The following SGO2 variants were observed in gnomAD, a reference collection of about 807,000 sequenced individuals.
The protein encoded by SGO2 is shugoshin-like 2.
Under a neutral mutation model 99.5 loss-of-function variants are expected in SGO2, and 68 were observed. That is an observed-to-expected ratio of 0.68 (90% CI 0.56 to 0.84). The LOEUF is 0.84. SGO2 is among the 40% of genes least tolerant of loss of function. The pLI is 0.00. For missense variants in SGO2, 1,350 were observed against 1,436.7 expected (o/e 0.94, Z 0.97); for synonymous variants, 457 against 487.1 (o/e 0.94, Z 0.81).
intron 5 of SGO2, among the ~76,000 whole-genome samples, chr2:200,556,794 A>G (rs557104490): frequency 2.8e-4 from 43 of 152,302 alleles, no homozygotes; most frequent in African/African-American, 1.0e-3. Flanking sequence ...AGAGCTAACT[A>G]TGATATCAAC....
At position 200,575,362 on chromosome 2, in the gene SGO2, C is replaced by G; in HGVS notation, c.3683C>G (p.Thr1228Ser). The G allele has an allele frequency of 6.2e-7, 1 of 1,608,618 alleles. No homozygotes were observed. Among genetic ancestry groups the G allele is most frequent in the South Asian group, 1.1e-5 (1 of 90,404 alleles). ...LSNTSFVSNN[T>S]AESENKSEDL... ...AATACCAGTTTTGTTTCAAATAACACTGCTGAATCTGAAAATAAGTCAGAA... is the reference window on the plus strand; with the variant it reads ...AATACCAGTTTTGTTTCAAATAACAGTGCTGAATCTGAAAATAAGTCAGAA... Residue 1228 changes from threonine to serine, a missense_variant, in exon 8 of 9, where the codon ACT becomes AGT. Physicochemically the swap from Thr to Ser is moderately conservative, Grantham distance 58. Coordinates refer to ENST00000357799, the MANE Select transcript of SGO2 (RefSeq NM_152524.6).
chr2:200,568,349 G>A (rs754135026), intron 5 of SGO2, among the ~76,000 whole-genome samples: 13 of 151,992 alleles, frequency 8.6e-5, no homozygotes, highest in Non-Finnish European at 1.8e-4. Flanking sequence ...ATTGCACCTG[G>A]GTATTGTGTA....
chr2:200,572,732 C>A lies in SGO2; in HGVS notation c.2386C>A (p.Pro796Thr), dbSNP rs368448150. 4.5e-5 allele frequency: 72 copies of A among 1,612,856 alleles called. No individual in the cohort carries two copies. In the South Asian group the frequency reaches 7.7e-4, roughly 17 times the overall value. Residue 796 changes from proline to threonine, a missense_variant, in exon 7 of 9, where the codon CCT becomes ACT. Pro to Thr is a conservative substitution (Grantham distance 38, BLOSUM62 -1). Transcript: ENST00000357799. Reference protein sequence around the residue: ...LGVKHGHDMQPACQNDSKIGK... With the variant: ...LGVKHGHDMQTACQNDSKIGK... Reference sequence around the variant, plus strand: ...GGTGAAACATGGCCATGATATGCAACCTGCTTGTCAAAATGATTCAAAAAT... The same window carrying A: ...GGTGAAACATGGCCATGATATGCAAACTGCTTGTCAAAATGATTCAAAAAT...
intron 5 of SGO2, among the ~76,000 whole-genome samples, chr2:200,554,349 T>G (rs1343746969): frequency 6.6e-6 from 1 of 152,232 alleles, no homozygotes; most frequent in Non-Finnish European, 1.5e-5. Flanking sequence ...CTGTCCTATT[T>G]GATATTCATG....
intron 5 of SGO2, among the ~76,000 whole-genome samples, chr2:200,544,598 G>A (rs994195637): frequency 6.6e-6 from 1 of 152,054 alleles, no homozygotes; most frequent in Admixed American, 6.6e-5. Flanking sequence ...TCTAGTTTTG[G>A]TCTATTACAA....
intron 5 of SGO2, among the ~76,000 whole-genome samples, chr2:200,559,628 G>T (rs764526762): frequency 6.6e-6 from 1 of 151,992 alleles, no homozygotes. Flanking sequence ...ATGAGTTCTC[G>T]TTGCCCAAGC....
chr2:200,583,095 T>C (rs1179040928), intron 8 of SGO2, among the ~76,000 whole-genome samples: 1 of 152,300 alleles, frequency 6.6e-6, no homozygotes, highest in East Asian at 1.9e-4. Context: ...TTTTGTTTCT[T>C]AACCTGGGTG....
chr2:200,529,452 A>G (rs1050007423), intron 1 of SGO2, among the ~76,000 whole-genome samples: 3 of 152,196 alleles, frequency 2.0e-5, no homozygotes, highest in African/African-American at 4.8e-5. Flanking sequence ...AAATAAATCT[A>G]TAGTATGTTA....
Position 200,570,094 on chromosome 2 carries a change from T to TAATA in SGO2, c.703+203_703+206dup, listed in dbSNP as rs1400706135. On this transcript the variant is annotated intron_variant, in intron 6 of 8. Coordinates refer to ENST00000357799, the MANE Select transcript of SGO2 (RefSeq NM_152524.6). The surrounding 1 kb of genome is among the most constrained non-coding windows in gnomAD (Gnocchi z 4.4). ...GACAAACATCACACCCACAGTGGCCTAATACTGTTACTCTGGAAGAAATAT... is the reference window on the plus strand; with the variant it reads ...GACAAACATCACACCCACAGTGGCCTAATAAATACTGTTACTCTGGAAGAAATAT... The TAATA allele has an allele frequency of 4.2e-6, 2 of 478,370 alleles. No homozygotes were observed. The highest frequency in any genetic ancestry group is 7.3e-6 in the Non-Finnish European group (2 of 273,242). The allele number at this position is 478,370 out of a possible 1,614,324, so 29.6% of individuals were successfully genotyped here.
chr2:200,551,097 C>T (rs1436996775), intron 5 of SGO2, among the ~76,000 whole-genome samples: 4 of 151,632 alleles, frequency 2.6e-5, no homozygotes, highest in Non-Finnish European at 5.9e-5. Flanking sequence ...GAAAATATAC[C>T]TTCCATATGA....
chr2:200,530,240 G>A (rs2106299533), intron 1 of SGO2, among the ~76,000 whole-genome samples: 1 of 152,280 alleles, frequency 6.6e-6, no homozygotes, highest in Admixed American at 6.5e-5. Flanking sequence ...ACATGGTAGT[G>A]CCTCTGACTA....
At chr2:200,532,898 C>T in intron 1 of SGO2, 76 bp from the exon 2 acceptor site, 4 of 1,396,968 alleles carry the variant, frequency 2.9e-6, no homozygotes, top group Non-Finnish European at 3.9e-6. Context: ...ATGATTGTTA[C>T]TTTTTAAAAT....
chr2:200,562,021 A>G lies in SGO2; in HGVS notation c.474-7642A>G, dbSNP rs187009924. Among the ~76,000 whole-genome samples the G allele has an allele frequency of 4.6e-5, 7 of 152,256 alleles. No homozygotes were observed. In the East Asian group the frequency reaches 1.4e-3, roughly 29 times the overall value. On this transcript the variant is annotated intron_variant, in intron 5 of 8. Coordinates refer to ENST00000357799, the MANE Select transcript of SGO2 (RefSeq NM_152524.6). ...TTTTGTAGGTTGCCTGTTCACTCTG[A>G]TGGTAGTTTCTTTTGCTGTGCAGAA...
Position 200,572,109 on chromosome 2 carries a change from A to G in SGO2, c.1763A>G (p.Asn588Ser), listed in dbSNP as rs1199041920. The G allele has an allele frequency of 4.3e-6, 7 of 1,613,210 alleles. No individual in the cohort carries two copies. The highest frequency in any genetic ancestry group is 3.3e-5 in the Admixed American group (2 of 59,938). ...NGNLCDYGTH[N>S]ILDLKKYVTD... ...AATTTATGTGATTATGGGACCCACA[A>G]TATATTGGATTTGAAAAAGTATGTC... Residue 588 changes from asparagine to serine, a missense_variant, in exon 7 of 9, where the codon AAT becomes AGT. Coordinates refer to ENST00000357799, the MANE Select transcript of SGO2 (RefSeq NM_152524.6).
intron 8 of SGO2, among the ~76,000 whole-genome samples, chr2:200,577,432 T>C (rs1054655612): frequency 6.6e-6 from 1 of 152,228 alleles, no homozygotes; most frequent in African/African-American, 2.4e-5. Flanking sequence ...TTTAGACTTA[T>C]GGTAAAGTTG....
chr2:200,546,213 C>T (rs1416246120), intron 5 of SGO2, among the ~76,000 whole-genome samples: 2 of 150,578 alleles, frequency 1.3e-5, no homozygotes, highest in Admixed American at 6.6e-5. Flanking sequence ...ATTAGCCAGG[C>T]GTGGTGGTGG....
chr2:200,545,094 C>A (rs2032150275), intron 5 of SGO2, among the ~76,000 whole-genome samples: 1 of 152,134 alleles, frequency 6.6e-6, no homozygotes, highest in Non-Finnish European at 1.5e-5. Context: ...ACAGCCTTGA[C>A]CTCTTGGGCT....
intron 3 of SGO2, among the ~76,000 whole-genome samples, chr2:200,535,778 T>C (rs1368716154): frequency 6.6e-6 from 1 of 152,040 alleles, no homozygotes; most frequent in Non-Finnish European, 1.5e-5. Flanking sequence ...TATGAGAAGA[T>C]AGAAAAATGT....
chr2:200,559,992 GA>G (rs956536376), intron 5 of SGO2, among the ~76,000 whole-genome samples: 8 of 152,080 alleles, frequency 5.3e-5, no homozygotes, highest in African/African-American at 1.9e-4. Flanking sequence ...GGGTGCACAT[GA>G]AAAAAATGTG....
Sources: gnomAD v4.1 joint callset for allele counts (sites outside exome capture counted in the v4.1 genomes callset) on GRCh38, gnomAD v4.1.1 for gene constraint, Gnocchi (gnomAD v3.1) non-coding constraint, MANE v1.5 for transcripts, NCBI Gene and HGNC (gene_info 2026-07-23, HGNC 2026-07-21) for gene names.